Variants in CSMD1 observed in about 807,000 individuals in gnomAD.
CSMD1 encodes CUB and sushi domain-containing protein 1.
A neutral mutation model predicts 417.5 loss-of-function variants in CSMD1; 213 were observed. The observed-to-expected ratio is 0.51, with a 90% CI of 0.46 to 0.57. The LOEUF is 0.57. Ranked by LOEUF, CSMD1 falls within the 20% of genes least tolerant of loss-of-function variation. The pLI is 0.00. For missense variants in CSMD1, 6,923 were observed against 4,529.7 expected, an observed-to-expected ratio of 1.53 and a Z score of -15.17; for synonymous variants, 2,862 against 1,736.8, an observed-to-expected ratio of 1.65 and a Z score of -16.11.
chr8:4,705,163 C>G (rs1403858194), intron 1 of CSMD1, among the ~76,000 whole-genome samples: 1 of 152,128 alleles, frequency 6.6e-6, no homozygotes, highest in Admixed American at 6.6e-5. Flanking sequence ...TTCCCCTTCA[C>G]CATAATTGTA....
At chr8:3,871,861 C>G (rs962108755) in intron 5 of CSMD1, among the ~76,000 whole-genome samples, 1 of 152,128 alleles carries the variant, frequency 6.6e-6, no homozygotes, top group African/African-American at 2.4e-5. Context: ...CAAGAACTCC[C>G]TTCTGAAAGA....
At chr8:4,986,502 A>C (rs1283165836) in intron 1 of CSMD1, among the ~76,000 whole-genome samples, 1 of 152,238 alleles carries the variant, frequency 6.6e-6, no homozygotes, top group Non-Finnish European at 1.5e-5. Flanking sequence ...TTTTTCATTC[A>C]TCAGAGATCA....
chr8:4,391,413 A>G lies in CSMD1; in HGVS notation c.415+28540T>C, dbSNP rs116343438. Among the ~76,000 whole-genome samples, 1,177 of 152,262 alleles carry G rather than the reference A, an allele frequency of 7.7e-3. 14 individuals carry two copies. The highest frequency in any genetic ancestry group is 0.024 in the African/African-American group (977 of 41,538). On this transcript the variant is annotated intron_variant, in intron 3 of 69. Transcript: ENST00000635120. ...GTAAGACTTTGAAGACTAGGCTTTC[A>G]GAGCCTTAGTGATTGAGAGAAGGAA... is the stretch of plus-strand genomic sequence containing the variant.
At chr8:3,603,886 C>T (rs1248237531) in intron 8 of CSMD1, among the ~76,000 whole-genome samples, 1 of 152,082 alleles carries the variant, frequency 6.6e-6, no homozygotes, top group African/African-American at 2.4e-5. Context: ...AGCAAATGGC[C>T]AAGGCTTAAT....
intron 18 of CSMD1, among the ~76,000 whole-genome samples, chr8:3,369,574 AC>A (rs1809818807): frequency 6.6e-6 from 1 of 152,100 alleles, no homozygotes; most frequent in African/African-American, 2.4e-5. Context: ...CCACTACAAA[AC>A]CTTGACAACG....
At chr8:3,711,168 T>G (rs902966390) in intron 6 of CSMD1, among the ~76,000 whole-genome samples, 1 of 152,206 alleles carries the variant, frequency 6.6e-6, no homozygotes, top group Non-Finnish European at 1.5e-5. Context: ...AACGAGAGAC[T>G]GGAAGGAACA....
At chr8:3,865,498 G>A (rs946241201) in intron 5 of CSMD1, among the ~76,000 whole-genome samples, 7 of 151,972 alleles carry the variant, frequency 4.6e-5, no homozygotes, top group African/African-American at 1.2e-4. Context: ...ATCAGAAAAG[G>A]GTGACAATAG....
chr8:4,266,786 T>C lies in CSMD1; in HGVS notation c.415+153167A>G, dbSNP rs1804255855. On this transcript the variant is annotated intron_variant, in intron 3 of 69. Coordinates refer to ENST00000635120, the MANE Select transcript of CSMD1 (RefSeq NM_033225.6). ...ATCCTCAAAATAGTAGCACAGAGAATCTAGATGAAAACTTAAATAGTGGAT... is the reference window on the plus strand; with the variant it reads ...ATCCTCAAAATAGTAGCACAGAGAACCTAGATGAAAACTTAAATAGTGGAT... 3.8e-5 allele frequency among the ~76,000 whole-genome samples: 4 copies of C among 104,786 alleles called. 1 individual carries two copies. Among genetic ancestry groups the C allele is most frequent in the African/African-American group, 1.0e-4 (4 of 38,430 alleles). 68.7% of individuals were successfully genotyped at this position (104,786 alleles called of 152,430 possible).
intron 12 of CSMD1, among the ~76,000 whole-genome samples, chr8:3,427,934 G>A (rs908596303): frequency 6.6e-6 from 1 of 152,192 alleles, no homozygotes; most frequent in Non-Finnish European, 1.5e-5. Flanking sequence ...AAGCGCCCTT[G>A]CAGAATCAGG....
chr8:3,214,645 C>A lies in CSMD1; in HGVS notation c.4719G>T (p.Gly1573=). The A allele has an allele frequency of 6.4e-7, 1 of 1,552,538 alleles. No individual in the cohort carries two copies. The change falls in exon 30 of 70, where the codon GGG becomes GGT. Residue 1573 remains glycine (G), a synonymous_variant. Coordinates refer to ENST00000635120, the MANE Select transcript of CSMD1 (RefSeq NM_033225.6). ...GCTTGAAGTCTGTTCCAACTCTTGT[C>A]CCATTCATTATATTTCCTGGGTCAA... The part of the protein sequence containing the change: ...ACFDPGNIMN[G]TRVGTDFKLG...
At chr8:4,679,159 C>G (rs1006937006) in intron 1 of CSMD1, among the ~76,000 whole-genome samples, 8 of 152,136 alleles carry the variant, frequency 5.3e-5, no homozygotes, top group African/African-American at 1.9e-4. Flanking sequence ...CCAAGATCAA[C>G]CACAACGCAA....
intron 3 of CSMD1, among the ~76,000 whole-genome samples, chr8:4,316,355 G>A (rs1585217757): frequency 6.6e-6 from 1 of 152,034 alleles, no homozygotes; most frequent in African/African-American, 2.4e-5. Context: ...TTAGGTTATG[G>A]TCTTATACTC....
intron 5 of CSMD1, among the ~76,000 whole-genome samples, chr8:3,984,922 T>G (rs983278671): frequency 5.3e-5 from 8 of 151,874 alleles, no homozygotes; most frequent in Non-Finnish European, 1.2e-4. Context: ...TTCATTGTAG[T>G]TCATTATAAG....
chr8:3,873,448 C>G (rs1585122444), intron 5 of CSMD1, among the ~76,000 whole-genome samples: 1 of 152,160 alleles, frequency 6.6e-6, no homozygotes, highest in South Asian at 2.1e-4. Flanking sequence ...CAAACTAACA[C>G]AGCAACAGAA....
At chr8:4,485,298 C>T (rs891073581) in intron 2 of CSMD1, among the ~76,000 whole-genome samples, 13 of 152,118 alleles carry the variant, frequency 8.5e-5, no homozygotes, top group Admixed American at 8.5e-4. Context: ...AACATTTATC[C>T]CCAGTTGAAA....
At chr8:3,691,863 C>T (rs977286754) in intron 7 of CSMD1, among the ~76,000 whole-genome samples, 1 of 152,102 alleles carries the variant, frequency 6.6e-6, no homozygotes, top group African/African-American at 2.4e-5. Flanking sequence ...TATTTTCAGG[C>T]AGAATTTGAA....
intron 1 of CSMD1, among the ~76,000 whole-genome samples, chr8:4,827,303 C>A (rs1344727353): frequency 1.3e-5 from 2 of 151,934 alleles, no homozygotes; most frequent in African/African-American, 2.4e-5. Flanking sequence ...GCAGAAAGAC[C>A]AGAATGGTTT....
chr8:4,396,303 TAAAAAA>T (rs71534399), intron 3 of CSMD1, among the ~76,000 whole-genome samples: 1 of 139,550 alleles, frequency 7.2e-6, no homozygotes, highest in Non-Finnish European at 1.6e-5. Context: ...CTCTTAAAAG[TAAAAAA>T]AAAAAAAAAT....
chr8:4,871,905 CT>C (rs1446230623), intron 1 of CSMD1, among the ~76,000 whole-genome samples: 2 of 152,052 alleles, frequency 1.3e-5, no homozygotes, highest in Non-Finnish European at 2.9e-5. Context: ...CCTTGCAATT[CT>C]GTACTCTGTC....
Sources: gnomAD v4.1 joint callset for allele counts (sites outside exome capture counted in the v4.1 genomes callset) on GRCh38, gnomAD v4.1.1 for gene constraint, MANE v1.5 for transcripts, NCBI Gene and HGNC (gene_info 2026-07-23, HGNC 2026-07-21) for gene names.